Variants in PUDP observed in about 807,000 individuals in gnomAD.
The protein encoded by PUDP is pseudouridine-5'-phosphatase.
In PUDP, 8 loss-of-function variants were observed where a neutral mutation model predicts 9.4. The ratio of observed to expected loss-of-function variants is 0.85; its 90% confidence interval spans 0.50 to 1.53. PUDP has a LOEUF of 1.53. Ranked by LOEUF, PUDP falls within the 40% of genes most tolerant of loss-of-function variation. The pLI is 0.00. For synonymous variants in PUDP, 99 were observed against 80.7 expected, an observed-to-expected ratio of 1.23 and a Z score of -1.22; for missense variants, 188 against 189.7, an observed-to-expected ratio of 0.99 and a Z score of 0.05.
intron 1 of PUDP, among the ~76,000 whole-genome samples, chrX:7,035,365 C>T (rs1241446672): frequency 2.7e-5 from 3 of 111,935 alleles, no homozygotes; most frequent in South Asian, 3.7e-4. Context: ...AATGAATACA[C>T]ATGCTGTACA....
At chrX:7,088,083 G>A (rs1452572450) in intron 2 of PUDP, among the ~76,000 whole-genome samples, 3 of 112,037 alleles carry the variant, frequency 2.7e-5, no homozygotes. Context: ...GGTAATTAAG[G>A]ATGGATCAAA....
chrX:6,728,846 A>G (rs1357102073), intron 3 of PUDP, among the ~76,000 whole-genome samples: 1 of 111,307 alleles, frequency 9.0e-6, no homozygotes, highest in African/African-American at 3.3e-5. Context: ...GATCGCACCC[A>G]GGATACCACG....
intron 3 of PUDP, among the ~76,000 whole-genome samples, chrX:6,852,550 C>A (rs945294102): frequency 5.4e-5 from 6 of 111,633 alleles, no homozygotes; most frequent in African/African-American, 2.0e-4. Context: ...GTAAAACAGC[C>A]AACTTCACTA....
At chrX:6,951,857 T>C (rs1928564185) in intron 3 of PUDP, among the ~76,000 whole-genome samples, 1 of 112,354 alleles carries the variant, frequency 8.9e-6, no homozygotes, top group South Asian at 3.7e-4. Flanking sequence ...AAAATGTCAA[T>C]GCCAGGGATA....
chrX:6,903,212 T>C (rs1927716638), intron 3 of PUDP, among the ~76,000 whole-genome samples: 1 of 112,310 alleles, frequency 8.9e-6, no homozygotes, highest in African/African-American at 3.2e-5. Context: ...TCAGCTTTTA[T>C]TACAACCCAT....
chrX:7,104,852 G>C (rs1295886031), intron 2 of PUDP, among the ~76,000 whole-genome samples: 1 of 111,871 alleles, frequency 8.9e-6, no homozygotes, highest in African/African-American at 3.3e-5. Context: ...TTCAAAAGTA[G>C]GTATGCTTCA....
intron 3 of PUDP, among the ~76,000 whole-genome samples, chrX:7,066,055 T>C (rs1930543472): frequency 8.9e-6 from 1 of 112,219 alleles, no homozygotes; most frequent in Admixed American, 9.4e-5. Context: ...AAAAGATAAC[T>C]GGTAATGCAG....
intron 2 of PUDP, among the ~76,000 whole-genome samples, chrX:7,095,995 C>A (rs1411010856): frequency 8.9e-6 from 1 of 112,035 alleles, no homozygotes; most frequent in African/African-American, 3.2e-5. Context: ...AGCTTGCCTG[C>A]TGAGGTCTTC....
intron 3 of PUDP, among the ~76,000 whole-genome samples, chrX:6,863,339 A>G (rs184314827): frequency 1.8e-5 from 2 of 112,892 alleles, no homozygotes; most frequent in Admixed American, 9.3e-5. Context: ...CTATTGTCCA[A>G]AAGAAGACGA....
chrX:6,708,577 A>G (rs1924496231), intron 1 of PUDP, among the ~76,000 whole-genome samples: 1 of 112,421 alleles, frequency 8.9e-6, no homozygotes, highest in African/African-American at 3.2e-5. Flanking sequence ...TTATTTAGCA[A>G]TGACAGAAAA....
At chrX:7,097,698 T>C (rs1931612192) in intron 2 of PUDP, among the ~76,000 whole-genome samples, 1 of 110,107 alleles carries the variant, frequency 9.1e-6, no homozygotes, top group African/African-American at 3.3e-5. Flanking sequence ...TGCACGAGAG[T>C]TCAGAGGAAA....
chrX:6,801,769 A>T (rs1333303190), intron 3 of PUDP, among the ~76,000 whole-genome samples: 1 of 112,039 alleles, frequency 8.9e-6, no homozygotes, highest in African/African-American at 3.2e-5. Context: ...AATTTTAAAT[A>T]TGCAAAGGCC....
At chrX:6,814,730 T>A (rs1926200003) in intron 3 of PUDP, among the ~76,000 whole-genome samples, 1 of 112,038 alleles carries the variant, frequency 8.9e-6, no homozygotes, top group African/African-American at 3.2e-5. Context: ...AAACACAACA[T>A]CCTGCTTCCT....
intron 1 of PUDP, among the ~76,000 whole-genome samples, chrX:7,137,029 C>G (rs1411582858): frequency 3.6e-5 from 4 of 111,514 alleles, no homozygotes; most frequent in Non-Finnish European, 7.5e-5. Context: ...GTGCTGAGGT[C>G]AGGAGTTCGA....
intron 3 of PUDP, among the ~76,000 whole-genome samples, chrX:7,069,412 G>A (rs1010462205): frequency 9.0e-6 from 1 of 110,985 alleles, no homozygotes; most frequent in Admixed American, 9.6e-5. Flanking sequence ...TACTCGGGCT[G>A]GATAAAGGCA....
At chrX:6,999,286 A>G (rs1363771865) in intron 1 of PUDP, among the ~76,000 whole-genome samples, 2 of 111,729 alleles carry the variant, frequency 1.8e-5, no homozygotes, top group African/African-American at 3.3e-5. Flanking sequence ...CGCCACCTAT[A>G]TAGCCATACG....
At chrX:6,750,044 A>G (rs1925048225) in intron 3 of PUDP, among the ~76,000 whole-genome samples, 1 of 112,103 alleles carries the variant, frequency 8.9e-6, no homozygotes, top group African/African-American at 3.2e-5. Context: ...AGATGAGAAT[A>G]CAATAAGGGG....
intron 3 of PUDP, among the ~76,000 whole-genome samples, chrX:6,968,382 T>C (rs1928818580): frequency 8.9e-6 from 1 of 111,966 alleles, no homozygotes; most frequent in Non-Finnish European, 1.9e-5. Context: ...CTTTCCCAGT[T>C]TCAGGAGCAA....
chrX:6,729,941 G>A lies in PUDP; in HGVS notation c.*248-23475C>T, dbSNP rs949722039. 7.1e-5 allele frequency among the ~76,000 whole-genome samples: 8 copies of A among 112,154 alleles called. 1 individual carries two copies. Among genetic ancestry groups the A allele is most frequent in the African/African-American group, 2.6e-4 (8 of 30,866 alleles). On this transcript the variant is annotated intron_variant and NMD_transcript_variant, in intron 3 of 3. Transcript: ENST00000655425. ...CAATGGGAAAAGGATACCGGGGCAG[G>A]ACTTGCATCAGGAATAAAGGCTTTC...
Sources: allele counts gnomAD v4.1 joint callset (sites outside exome capture counted in the v4.1 genomes callset), GRCh38; gene constraint gnomAD v4.1.1; transcripts MANE v1.5; gene names NCBI Gene and HGNC (gene_info 2026-07-23, HGNC 2026-07-21).